ERAP1: variants seen among roughly 807,000 people sequenced by gnomAD.
ERAP1 encodes the protein adipocyte-derived leucine aminopeptidase.
Under a neutral mutation model 103.7 loss-of-function variants are expected in ERAP1, and 86 were observed. The ratio of observed to expected loss-of-function variants is 0.83; its 90% CI spans 0.70 to 0.99. ERAP1 has a LOEUF of 0.99. Ranked by LOEUF, ERAP1 falls within the 50% of genes least tolerant of loss-of-function variation. The pLI is 0.00. For missense variants in ERAP1, 1,009 were observed against 1,128.4 expected, an observed-to-expected ratio of 0.89 and a Z score of 1.52; for synonymous variants, 398 against 402.4, an observed-to-expected ratio of 0.99 and a Z score of 0.13.
the ERAP1 span, chr5:96,902,809 A>G: frequency 6.4e-6 from 1 of 156,264 alleles, no homozygotes; most frequent in African/African-American, 2.4e-5. Flanking sequence ...AATAAAGACT[A>G]AACCTCACAG....
At position 96,775,362 on chromosome 5, in the gene ERAP1, A is replaced by T. The variant is rs1774020943; in HGVS notation, c.*1034T>A. 1 of 985,172 alleles carries T rather than the reference A, an allele frequency of 1.0e-6. No homozygotes were observed. The highest frequency in any genetic ancestry group is 1.7e-5 in the African/African-American group (1 of 57,330). 61.0% of individuals were successfully genotyped at this position (985,172 alleles called of 1,614,324 possible). ...ACTATCATTTATTGGTGACTGCAATAATTTACTGTCAGTAAATGCCAATAA... is the reference window on the plus strand; with the variant it reads ...ACTATCATTTATTGGTGACTGCAATTATTTACTGTCAGTAAATGCCAATAA... On this transcript the variant is annotated 3_prime_UTR_variant, in exon 19 of 19. Coordinates refer to ENST00000443439, the MANE Select transcript of ERAP1 (RefSeq NM_001040458.3).
At chr5:96,926,404 T>C in the ERAP1 span, among the ~76,000 whole-genome samples, 5 of 152,190 alleles carry the variant, frequency 3.3e-5, no homozygotes, top group Admixed American at 3.3e-4. Flanking sequence ...AAACGATCAA[T>C]TTCAGAATGT....
chr5:96,839,337 A>G, the ERAP1 span, among the ~76,000 whole-genome samples: 3 of 152,294 alleles, frequency 2.0e-5, no homozygotes, highest in Non-Finnish European at 2.9e-5. Context: ...GGCTGATAGC[A>G]TGTGGCTCAA....
At chr5:96,798,112 T>C (rs186873894) in intron 3 of ERAP1, among the ~76,000 whole-genome samples, 47 of 151,970 alleles carry the variant, frequency 3.1e-4, no homozygotes, top group African/African-American at 1.1e-3. Flanking sequence ...GATCACAAGG[T>C]AAGGAGATTG....
At chr5:96,905,798 C>T in the ERAP1 span, among the ~76,000 whole-genome samples, 2 of 152,078 alleles carry the variant, frequency 1.3e-5, no homozygotes, top group East Asian at 1.9e-4. Context: ...GCACATGAAT[C>T]GCTTGAACCC....
the ERAP1 span, among the ~76,000 whole-genome samples, chr5:96,933,808 A>C: frequency 6.6e-6 from 1 of 152,156 alleles, no homozygotes; most frequent in Admixed American, 6.5e-5. Context: ...CAATGTGTGA[A>C]GTATGTTAAC....
At chr5:96,830,007 G>T in the ERAP1 span, among the ~76,000 whole-genome samples, 3 of 152,140 alleles carry the variant, frequency 2.0e-5, no homozygotes, top group Non-Finnish European at 4.4e-5. Context: ...CTTATCAAAT[G>T]CATCAAAGAG....
At chr5:96,795,306 C>A in intron 4 of ERAP1, 144 bp from the exon 5 acceptor site, 1 of 1,061,828 alleles carries the variant, frequency 9.4e-7, no homozygotes, top group Non-Finnish European at 1.4e-6. Flanking sequence ...CCATTTCTTG[C>A]ATTAATACTG....
chr5:96,766,281 A>C (rs1242058916), intron 19 of ERAP1: 1 of 569,108 alleles, frequency 1.8e-6, no homozygotes, highest in African/African-American at 1.9e-5. Context: ...CTAATGTGTC[A>C]CCAAAGCCGA....
At chr5:96,898,652 A>G in the ERAP1 span, among the ~76,000 whole-genome samples, 1 of 152,038 alleles carries the variant, frequency 6.6e-6, no homozygotes, top group Non-Finnish European at 1.5e-5. Context: ...AGGCAGGAGA[A>G]TCACTTGAAT....
At chr5:96,837,637 A>G in the ERAP1 span, among the ~76,000 whole-genome samples, 1 of 152,186 alleles carries the variant, frequency 6.6e-6, no homozygotes, top group East Asian at 1.9e-4. Context: ...GAAGCCCCAG[A>G]AGGAATGTTA....
In ERAP1 at chr5:96,775,511, T is replaced by A; in HGVS notation, c.*885A>T. On this transcript the variant is annotated 3_prime_UTR_variant, in exon 19 of 19. Coordinates refer to ENST00000443439, the MANE Select transcript of ERAP1 (RefSeq NM_001040458.3). ...CTCTGCTTTTTCAGAAGAGATACTGTACCAGTCAGGGAAATAGATGACACT... is the reference window on the plus strand; with the variant it reads ...CTCTGCTTTTTCAGAAGAGATACTGAACCAGTCAGGGAAATAGATGACACT... 1 of 956,868 alleles carries A rather than the reference T, an allele frequency of 1.0e-6. No homozygotes were observed. The highest frequency in any genetic ancestry group is 1.2e-6 in the Non-Finnish European group (1 of 819,102). 59.3% of individuals were successfully genotyped at this position (956,868 alleles called of 1,614,324 possible).
the ERAP1 span, among the ~76,000 whole-genome samples, chr5:96,907,962 T>A: frequency 5.3e-5 from 8 of 152,102 alleles, no homozygotes; most frequent in Non-Finnish European, 8.8e-5. Context: ...CAGGTGAAAT[T>A]TTTGAAAAAA....
chr5:96,810,065 C>T (rs76895406), upstream of ERAP1, among the ~76,000 whole-genome samples: 2,426 of 152,024 alleles, frequency 0.016, 57 homozygotes, highest in African/African-American at 0.055. Context: ...AGAGAGCTGA[C>T]ACCACCACCC....
chr5:96,894,432 G>A, the ERAP1 span, among the ~76,000 whole-genome samples: 1 of 152,008 alleles, frequency 6.6e-6, no homozygotes, highest in Non-Finnish European at 1.5e-5. Context: ...CTATAACCAG[G>A]CTCTTCTGAA....
chr5:96,771,813 A>G (rs1397918467), downstream of ERAP1: 4 of 641,522 alleles, frequency 6.2e-6, no homozygotes, highest in African/African-American at 5.6e-5. Flanking sequence ...CTCACTTTAC[A>G]GTATTGGCAT....
At chr5:96,765,786 A>C (rs1249733669) in intron 19 of ERAP1, among the ~76,000 whole-genome samples, 2 of 150,312 alleles carry the variant, frequency 1.3e-5, no homozygotes, top group Non-Finnish European at 3.0e-5. Flanking sequence ...TTCTGAAGAT[A>C]ATTATTTAAT....
At chr5:96,909,120 T>G in the ERAP1 span, 2 of 1,613,592 alleles carry the variant, frequency 1.2e-6, no homozygotes, top group African/African-American at 2.7e-5. Flanking sequence ...ACCTCAAGGT[T>G]TGTGTTGCTT....
At chr5:96,847,737 G>C in the ERAP1 span, among the ~76,000 whole-genome samples, 5 of 152,100 alleles carry the variant, frequency 3.3e-5, no homozygotes, top group Admixed American at 3.3e-4. Flanking sequence ...GGTCAAAGAA[G>C]AAATTAAAAG....
Sources: gnomAD v4.1 joint callset for allele counts (sites outside exome capture counted in the v4.1 genomes callset) on GRCh38, gnomAD v4.1.1 for gene constraint, MANE v1.5 for transcripts, NCBI Gene and HGNC (gene_info 2026-07-23, HGNC 2026-07-21) for gene names.